The following SUMF1 variants were observed in gnomAD, a reference collection of about 807,000 sequenced individuals.
SUMF1 encodes the protein sulfatase modifying factor 1.
Under a neutral mutation model 47.6 loss-of-function variants are expected in SUMF1, and 48 were observed. The observed-to-expected ratio is 1.01, with a 90% CI of 0.80 to 1.28. The LOEUF is 1.28. Among genes scored for constraint, SUMF1 ranks in the 50% most tolerant of loss-of-function variants. The pLI, the probability that SUMF1 is intolerant of heterozygous loss-of-function variation, is 0.00. For synonymous variants in SUMF1, 230 were observed against 192.1 expected, an observed-to-expected ratio of 1.20 and a Z score of -1.63; for missense variants, 571 against 485.4, an observed-to-expected ratio of 1.18 and a Z score of -1.66.
At chr3:4,109,543 C>T (rs1450617083) in intron 8 of SUMF1, among the ~76,000 whole-genome samples, 1 of 152,094 alleles carries the variant, frequency 6.6e-6, no homozygotes, top group African/African-American at 2.4e-5. Flanking sequence ...TCCATTCTTC[C>T]CATCATTTTC....
Position 4,267,584 on chromosome 3 carries a change from C to G in SUMF1, c.1014+108746G>C, listed in dbSNP as rs186862634. Among the ~76,000 whole-genome samples the G allele has an allele frequency of 9.2e-4, 140 of 152,158 alleles. 1 individual carries two copies. Among genetic ancestry groups the G allele is most frequent in the Admixed American group, 5.4e-3 (82 of 15,264 alleles). On this transcript the variant is annotated intron_variant and NMD_transcript_variant, in intron 8 of 12. Coordinates refer to the SUMF1 transcript ENST00000448413. ...ATCGGTGGTGGGCGAAGGACATGAA[C>G]AGACACTTCTCAAAAGAAGACATTT...
chr3:4,457,026 ATACG>A (rs1382667820), intron 1 of SUMF1, among the ~76,000 whole-genome samples: 3 of 143,200 alleles, frequency 2.1e-5, no homozygotes, highest in Admixed American at 7.0e-5. Flanking sequence ...GTACATATAT[ATACG>A]TGTGTGTGTA....
chr3:4,064,227 C>G (rs1272210845), intron 9 of SUMF1, among the ~76,000 whole-genome samples: 1 of 121,122 alleles, frequency 8.3e-6, no homozygotes, highest in African/African-American at 2.6e-5. Flanking sequence ...AGTAAAAAAG[C>G]TGACCAAAAC....
intron 1 of SUMF1, 43 bp downstream of exon 1, chr3:4,466,933 A>G: frequency 6.3e-7 from 1 of 1,597,930 alleles, no homozygotes; most frequent in Non-Finnish European, 8.5e-7. Flanking sequence ...CCCGTCCAGG[A>G]ACCGAGCAGC....
intron 8 of SUMF1, among the ~76,000 whole-genome samples, chr3:4,235,139 G>A (rs1215217469): frequency 6.6e-6 from 1 of 152,138 alleles, no homozygotes. Flanking sequence ...AGCAACAGCA[G>A]TAGAGACAAA....
intron 8 of SUMF1, among the ~76,000 whole-genome samples, chr3:4,250,673 G>A (rs573557889): frequency 6.6e-6 from 1 of 152,194 alleles, no homozygotes; most frequent in African/African-American, 2.4e-5. Context: ...CTTAAAGTTG[G>A]AGCCAGTGCT....
intron 8 of SUMF1, among the ~76,000 whole-genome samples, chr3:4,156,809 C>T (rs1559519253): frequency 6.6e-6 from 1 of 151,786 alleles, no homozygotes; most frequent in East Asian, 1.9e-4. Context: ...GAGTTCAACT[C>T]AAAGAGTGTA....
At chr3:4,256,002 CT>C (rs1410348515) in intron 8 of SUMF1, among the ~76,000 whole-genome samples, 4 of 149,732 alleles carry the variant, frequency 2.7e-5, no homozygotes, top group Non-Finnish European at 4.4e-5. Flanking sequence ...GAACAACCTG[CT>C]CCTGAATGAC....
At position 4,467,021 on chromosome 3, in the gene SUMF1, G is replaced by A. The variant is rs1398783395; in HGVS notation, c.225C>T (p.Asn75=). The A allele has an allele frequency of 6.3e-7, 1 of 1,589,958 alleles. No individual in the cohort carries two copies. Among genetic ancestry groups the A allele is most frequent in the Middle Eastern group, 2.1e-4 (1 of 4,858 alleles). ...AAAHRYSREA[N]APGPVPGERQ... is the part of the protein sequence containing the mutation. ...GCTCTCCGGGTACGGGGCCCGGAGC[G>A]TTAGCCTCCCGCGAGTATCGGTGAG... Residue 75 remains asparagine, a synonymous_variant, in exon 1 of 9, where the codon AAC becomes AAT. Coordinates refer to ENST00000272902, the MANE Select transcript of SUMF1 (RefSeq NM_182760.4).
chr3:4,109,647 C>G (rs999878791), intron 8 of SUMF1, among the ~76,000 whole-genome samples: 64 of 152,034 alleles, frequency 4.2e-4, no homozygotes, highest in African/African-American at 1.4e-3. Flanking sequence ...TTTCTCTAAA[C>G]TTCCCTTCTC....
chr3:4,436,412 A>G (rs1702400345), intron 3 of SUMF1, among the ~76,000 whole-genome samples: 1 of 152,220 alleles, frequency 6.6e-6, no homozygotes, highest in Non-Finnish European at 1.5e-5. Flanking sequence ...ACAATGGAAT[A>G]CTGAATACAT....
intron 8 of SUMF1, among the ~76,000 whole-genome samples, chr3:4,319,418 C>A (rs1698772615): frequency 6.6e-6 from 1 of 151,980 alleles, no homozygotes; most frequent in African/African-American, 2.4e-5. Flanking sequence ...GGGAGGCTTA[C>A]ATAGTGAGGG....
intron 8 of SUMF1, among the ~76,000 whole-genome samples, chr3:4,152,232 A>G (rs1049968683): frequency 7.9e-5 from 12 of 151,534 alleles, no homozygotes; most frequent in African/African-American, 2.9e-4. Flanking sequence ...GAGATAGGAA[A>G]GGGTTTATTC....
chr3:4,356,281 AAC>A (rs771994688), downstream of SUMF1, among the ~76,000 whole-genome samples: 5 of 152,266 alleles, frequency 3.3e-5, no homozygotes, highest in Non-Finnish European at 7.3e-5. Flanking sequence ...AAATTAAATC[AAC>A]AGTCAATAAA....
chr3:4,219,326 T>C (rs1394026694), intron 8 of SUMF1, among the ~76,000 whole-genome samples: 2 of 152,296 alleles, frequency 1.3e-5, no homozygotes, highest in African/African-American at 2.4e-5. Flanking sequence ...GATCCCATTT[T>C]ACAGATGAGG....
At chr3:4,430,901 G>A (rs1702213255) in intron 3 of SUMF1, among the ~76,000 whole-genome samples, 1 of 152,116 alleles carries the variant, frequency 6.6e-6, no homozygotes, top group South Asian at 2.1e-4. Context: ...TATTACAGGT[G>A]TACTTGAACT....
chr3:4,361,645 T>TG lies in SUMF1; in HGVS notation c.*498dup, dbSNP rs1699760699. On this transcript the variant is annotated 3_prime_UTR_variant, in exon 9 of 9. Coordinates refer to ENST00000272902, the MANE Select transcript of SUMF1 (RefSeq NM_182760.4). The stretch of plus-strand genomic sequence containing the variant: ...ATTAGTATCACTCAAGGTTCACACA[T>TG]GGAAAAAATAGCTAAAAAATAATCT... 1 of 170,578 alleles carries TG rather than the reference T, an allele frequency of 5.9e-6. No homozygotes were observed. The highest frequency in any genetic ancestry group is 1.5e-4 in the East Asian group (1 of 6,582). 10.6% of individuals were successfully genotyped at this position (170,578 alleles called of 1,614,324 possible).
chr3:4,128,247 C>T (rs1049083415), intron 8 of SUMF1, among the ~76,000 whole-genome samples: 2 of 152,132 alleles, frequency 1.3e-5, no homozygotes, highest in African/African-American at 2.4e-5. Flanking sequence ...ACAAAAGTTG[C>T]ACGCACAGCC....
chr3:4,388,070 C>A (rs1700731852), intron 7 of SUMF1, among the ~76,000 whole-genome samples: 1 of 152,024 alleles, frequency 6.6e-6, no homozygotes, highest in Non-Finnish European at 1.5e-5. Flanking sequence ...TGCTAGAAAT[C>A]TCTATCAGAT....
Sources: allele counts gnomAD v4.1 joint callset (sites outside exome capture counted in the v4.1 genomes callset), GRCh38; gene constraint gnomAD v4.1.1; transcripts MANE v1.5; gene names NCBI Gene and HGNC (gene_info 2026-07-23, HGNC 2026-07-21).